Variants in FAM120C observed in about 807,000 individuals in gnomAD.
The protein encoded by FAM120C is constitutive coactivator of PPAR-gamma-like protein 2.
Under a neutral mutation model 71.2 loss-of-function variants are expected in FAM120C, and 14 were observed. The observed-to-expected ratio is 0.20, with a 90% CI of 0.13 to 0.31. FAM120C has a LOEUF of 0.31. Among genes scored for constraint, FAM120C ranks in the 10% least tolerant of loss-of-function variants. The pLI is 1.00. For synonymous variants in FAM120C, 354 were observed against 353.2 expected, an observed-to-expected ratio of 1.00 and a Z score of -0.03; for missense variants, 500 against 879.0, an observed-to-expected ratio of 0.57 and a Z score of 5.45.
intron 1 of FAM120C, among the ~76,000 whole-genome samples, chrX:54,168,680 C>T (rs1057333995): frequency 9.0e-6 from 1 of 111,727 alleles, no homozygotes; most frequent in African/African-American, 3.3e-5. Context: ...AACTTTCAAC[C>T]AATAGGTACT....
chrX:54,147,408 A>T (rs1229225682), intron 4 of FAM120C: 4 of 111,849 alleles, frequency 3.6e-5, no homozygotes, highest in South Asian at 7.5e-4. Flanking sequence ...TCACATTAAG[A>T]CGCACACATT....
At chrX:54,116,973 T>A (rs2066971087) in intron 9 of FAM120C, among the ~76,000 whole-genome samples, 179 bp from the exon 10 acceptor site, 1 of 111,606 alleles carries the variant, frequency 9.0e-6, no homozygotes, top group African/African-American at 3.3e-5. Flanking sequence ...TGCAAGTACT[T>A]TATATATATC....
Position 54,073,296 on chromosome X carries a change from A to G in FAM120C, c.3037-9T>C. The G allele has an allele frequency of 8.4e-7, 1 of 1,193,868 alleles. No individual in the cohort carries two copies. The highest frequency in any genetic ancestry group is 1.8e-5 in the South Asian group (1 of 54,765). ...ACTCCATCTGAAGAGCCCTGTTAAA[A>G]ACAGAGATACTCAGTGGAAATGGGA... On this transcript the variant is annotated splice_polypyrimidine_tract_variant and intron_variant, in intron 15 of 15. Coordinates refer to ENST00000375180, the MANE Select transcript of FAM120C (RefSeq NM_017848.6).
chrX:54,085,990 G>A, intron 12 of FAM120C, 74 bp from the exon 13 acceptor site: 3 of 896,476 alleles, frequency 3.3e-6, no homozygotes, highest in South Asian at 4.3e-5. Context: ...CCAGGATGGA[G>A]CACTCTAGGT....
At chrX:54,101,971 T>G (rs934700486) in intron 10 of FAM120C, among the ~76,000 whole-genome samples, 2 of 111,385 alleles carry the variant, frequency 1.8e-5, no homozygotes, top group Non-Finnish European at 3.8e-5. Context: ...GTTCCAAAGC[T>G]GCTTCCACAT....
At chrX:54,081,204 A>G in intron 14 of FAM120C, 118 bp downstream of exon 14, 1 of 739,940 alleles carries the variant, frequency 1.4e-6, no homozygotes, top group Non-Finnish European at 1.9e-6. Flanking sequence ...AAAGAAAAAA[A>G]AAGTAAAGTT....
intron 9 of FAM120C, among the ~76,000 whole-genome samples, chrX:54,127,714 C>A (rs782731601): frequency 9.2e-6 from 1 of 109,079 alleles, no homozygotes; most frequent in South Asian, 4.2e-4. Context: ...CCTCAGCCTG[C>A]GGAGTAGCTG....
At chrX:54,087,179 G>C (rs1197495916) in intron 12 of FAM120C, among the ~76,000 whole-genome samples, 2 of 110,105 alleles carry the variant, frequency 1.8e-5, no homozygotes, top group Non-Finnish European at 3.8e-5. Context: ...TGGGCCTGGT[G>C]GTGCATGCCT....
chrX:54,181,968 T>A (rs2067352504), intron 1 of FAM120C, among the ~76,000 whole-genome samples: 1 of 111,859 alleles, frequency 8.9e-6, no homozygotes, highest in African/African-American at 3.3e-5. Flanking sequence ...AGAAGATGCA[T>A]GTTGAAATGA....
intron 4 of FAM120C, among the ~76,000 whole-genome samples, chrX:54,148,575 A>G (rs1252084120): frequency 8.9e-6 from 1 of 111,929 alleles, no homozygotes; most frequent in African/African-American, 3.2e-5. Context: ...CAAGCCCGGG[A>G]GGCGGAGGCT....
intron 10 of FAM120C, among the ~76,000 whole-genome samples, chrX:54,107,156 G>T (rs1557124961): frequency 1.8e-5 from 2 of 109,528 alleles, no homozygotes; most frequent in African/African-American, 6.6e-5. Flanking sequence ...GAGTACAGTG[G>T]TGCAATCTTG....
chrX:54,073,770 G>C (rs1342283769), intron 15 of FAM120C, among the ~76,000 whole-genome samples: 4 of 110,353 alleles, frequency 3.6e-5, no homozygotes, highest in African/African-American at 1.3e-4. Context: ...TGAGAAGTTA[G>C]GGTGAAAACA....
intron 10 of FAM120C, among the ~76,000 whole-genome samples, chrX:54,098,723 A>C (rs1431222408): frequency 9.0e-6 from 1 of 111,319 alleles, no homozygotes; most frequent in Admixed American, 9.7e-5. Context: ...TCCTGGGTTC[A>C]AGTGATTCTC....
rs1423940239 is a variant in FAM120C, at chrX:54,089,030, C to CA, written c.2428-1067dup. 3.6e-5 allele frequency among the ~76,000 whole-genome samples: 4 copies of CA among 111,154 alleles called. No individual in the cohort carries two copies. In the Admixed American group the frequency reaches 3.9e-4, roughly 11 times the overall value. On this transcript the variant is annotated intron_variant, in intron 11 of 15. Coordinates refer to ENST00000375180, the MANE Select transcript of FAM120C (RefSeq NM_017848.6). ...TGCCACTGCACTCCAGCCTGAGTGA[C>CA]AGAGTGAGACTCTGTCTCCAAAAAA...
At chrX:54,159,335 AC>A in intron 2 of FAM120C, 34 bp downstream of exon 2, 1 of 1,207,957 alleles carries the variant, frequency 8.3e-7, no homozygotes, top group Non-Finnish European at 1.1e-6. Context: ...AGAGGAAACT[AC>A]CAATCACTGC....
At chrX:54,135,469 T>G in intron 6 of FAM120C, 59 bp downstream of exon 6, 1 of 1,048,376 alleles carries the variant, frequency 9.5e-7, no homozygotes, top group South Asian at 2.0e-5. Flanking sequence ...CCTCAGATTA[T>G]AAAAATCAGG....
intron 4 of FAM120C, among the ~76,000 whole-genome samples, chrX:54,137,434 T>A (rs1557130812): frequency 8.9e-6 from 1 of 111,922 alleles, no homozygotes; most frequent in Non-Finnish European, 1.9e-5. Flanking sequence ...TTTTCTATAG[T>A]TGACAGTATG....
In FAM120C at chrX:54,073,223, T is replaced by G; in HGVS notation, c.3101A>C (p.Asn1034Thr). 8.3e-7 allele frequency: 1 copy of G among 1,210,289 alleles called. No homozygotes were observed. Residue 1034 changes from asparagine to threonine, a missense_variant, in exon 16 of 16, where the codon AAT becomes ACT. Asn to Thr is a moderately conservative substitution (Grantham distance 65, BLOSUM62 0). Transcript: ENST00000375180. Reference protein sequence around the residue: ...LHQGRSRSQVNGNSGALIKEE... With the variant: ...LHQGRSRSQVTGNSGALIKEE... ...CTTGATCAATGCGCCACTGTTTCCA[T>G]TTACCTGGGAGCGAGACCGACCTTG...
chrX:54,111,426 G>A (rs781807745), intron 10 of FAM120C, among the ~76,000 whole-genome samples: 226 of 110,640 alleles, frequency 2.0e-3, no homozygotes, highest in Non-Finnish European at 3.1e-3. Flanking sequence ...TTTGATAAAT[G>A]AACCCAGTAA....
Sources: gnomAD v4.1 joint callset for allele counts (sites outside exome capture counted in the v4.1 genomes callset) on GRCh38, gnomAD v4.1.1 for gene constraint, MANE v1.5 for transcripts, NCBI Gene and HGNC (gene_info 2026-07-23, HGNC 2026-07-21) for gene names.